SH3YL1: variants seen among roughly 807,000 people sequenced by gnomAD.
The protein encoded by SH3YL1 is SH3 domain-containing YSC84-like protein 1.
SH3YL1 carries 41 observed loss-of-function variants against 45.8 expected under a neutral mutation model. The ratio of observed to expected loss-of-function variants is 0.89; its 90% CI spans 0.70 to 1.16. The LOEUF is 1.16. Among genes scored for constraint, SH3YL1 ranks in the 50% most tolerant of loss-of-function variants. The pLI is 0.00. For missense variants in SH3YL1, 389 were observed against 409.6 expected (o/e 0.95, Z 0.43); for synonymous variants, 152 against 151.4 (o/e 1.00, Z -0.03).
chr2:237,239 C>T (rs1213178936), intron 4 of SH3YL1, among the ~76,000 whole-genome samples: 1 of 151,652 alleles, frequency 6.6e-6, no homozygotes, highest in Non-Finnish European at 1.5e-5. Flanking sequence ...TTAAGTAAGG[C>T]CAAGCTATGA....
At chr2:250,505 G>T (rs893499843) in intron 2 of SH3YL1, among the ~76,000 whole-genome samples, 1 of 152,170 alleles carries the variant, frequency 6.6e-6, no homozygotes, top group African/African-American at 2.4e-5. Context: ...TACATAAAAT[G>T]AGGGTTATTG....
At chr2:219,106 T>G (rs1282942416) in intron 9 of SH3YL1, 105 bp from the exon 10 acceptor site, 1 of 823,618 alleles carries the variant, frequency 1.2e-6, no homozygotes, top group African/African-American at 1.7e-5. Context: ...CATGCTGATG[T>G]CTTGGAGGCT....
chr2:263,714 T>G, intron 1 of SH3YL1: 1 of 432,858 alleles, frequency 2.3e-6, no homozygotes, highest in Non-Finnish European at 4.1e-6. Flanking sequence ...ATCAGGAAGT[T>G]AAAAATAACA....
chr2:231,296 C>T (rs544171398), intron 6 of SH3YL1, 105 bp from the exon 7 acceptor site: 1 of 793,424 alleles, frequency 1.3e-6, no homozygotes, highest in Admixed American at 2.7e-5. Context: ...ATCATTCATA[C>T]ATAGCACTTC....
Position 218,179 on chromosome 2 carries a change from A to G in SH3YL1, c.*632T>C, listed in dbSNP as rs990700419. On this transcript the variant is annotated 3_prime_UTR_variant, in exon 10 of 10. Coordinates refer to ENST00000356150, the MANE Select transcript of SH3YL1 (RefSeq NM_015677.4). ...AAACATTTAAAAATTTTATTTAGAG[A>G]CAAGTCTACCATGTCACCGTAAGTT... 1 of 152,186 alleles carries G rather than the reference A, an allele frequency of 6.6e-6. No individual in the cohort carries two copies. Among genetic ancestry groups the G allele is most frequent in the Non-Finnish European group, 1.5e-5 (1 of 68,034 alleles). The allele number at this position is 152,186 out of a possible 1,614,324, so 9.4% of individuals were successfully genotyped here. A position where few individuals can be genotyped will look rare whatever the true frequency, so the allele number is the denominator to read the frequency against.
intron 7 of SH3YL1, chr2:230,467 C>T (rs1232370094): frequency 1.2e-5 from 2 of 169,298 alleles, no homozygotes; most frequent in Non-Finnish European, 2.6e-5. Context: ...ACAAATCCCT[C>T]GGTGCCCCAA....
At chr2:237,495 A>C (rs2103032912) in intron 4 of SH3YL1, among the ~76,000 whole-genome samples, 1 of 152,186 alleles carries the variant, frequency 6.6e-6, no homozygotes, top group Admixed American at 6.5e-5. Context: ...GAGCTGAACA[A>C]CACATTGGGA....
chr2:237,153 A>C (rs1668340615), intron 4 of SH3YL1, among the ~76,000 whole-genome samples: 1 of 151,416 alleles, frequency 6.6e-6, no homozygotes, highest in African/African-American at 2.4e-5. Flanking sequence ...CACTCGGAAA[A>C]TACAAAGTAC....
rs1259932622 is a variant in SH3YL1, at chr2:229,952, A to G, written c.781+14T>C. 6.2e-7 allele frequency: 1 copy of G among 1,603,714 alleles called. No homozygotes were observed. Among genetic ancestry groups the G allele is most frequent in the East Asian group, 2.2e-5 (1 of 44,814 alleles). ...TAATTACAACTGTATTTGAATTGCA[A>G]CAAAAATATTTACTTTGAGAGCCAG... On this transcript the variant is annotated intron_variant, in intron 8 of 9. Transcript: ENST00000356150.
chr2:238,413 G>C (rs895362954), intron 4 of SH3YL1, among the ~76,000 whole-genome samples: 2 of 151,932 alleles, frequency 1.3e-5, no homozygotes, highest in African/African-American at 4.8e-5. Flanking sequence ...CCCATTCTTA[G>C]GGGGCTTAGA....
At chr2:235,406 C>T (rs36137988) in intron 4 of SH3YL1, among the ~76,000 whole-genome samples, 2,278 of 38,186 alleles carry the variant, frequency 0.06, 19 homozygotes, top group East Asian at 0.15. Context: ...GCAGCATGGG[C>T]CAGGGGAGGC....
At chr2:263,831 G>A in intron 1 of SH3YL1, 153 bp downstream of exon 1, 8 of 613,928 alleles carry the variant, frequency 1.3e-5, no homozygotes, top group Middle Eastern at 2.5e-4. Context: ...CCTGGAAGCT[G>A]CTCTATCTTA....
In SH3YL1 at chr2:218,892, T is replaced by C; in HGVS notation, c.948A>G (p.Thr316=). The C allele has an allele frequency of 6.2e-7, 1 of 1,614,114 alleles. No individual in the cohort carries two copies. The highest frequency in any genetic ancestry group is 1.1e-5 in the South Asian group (1 of 91,062). The change falls in exon 10 of 10, where the codon ACA becomes ACG. Residue 316 remains threonine (T), a synonymous_variant. Coordinates refer to ENST00000356150, the MANE Select transcript of SH3YL1 (RefSeq NM_015677.4). ...AGDRITVISK[T]DSHFDWWEGK... Reference sequence around the variant, plus strand: ...CTTCCCACCAATCAAAATGTGAATCTGTTTTTGATATAACTGTGATTCTGT... The same window carrying C: ...CTTCCCACCAATCAAAATGTGAATCCGTTTTTGATATAACTGTGATTCTGT...
intron 8 of SH3YL1, among the ~76,000 whole-genome samples, chr2:227,684 G>A (rs13003909): frequency 0.3 from 45,787 of 152,016 alleles, 7,562 homozygotes; most frequent in East Asian, 0.59. Context: ...GCCATGTGTA[G>A]GACTACACAA....
intron 4 of SH3YL1, among the ~76,000 whole-genome samples, chr2:246,128 G>A (rs1191940425): frequency 2.0e-5 from 3 of 151,696 alleles, no homozygotes; most frequent in South Asian, 2.1e-4. Context: ...CTGGGAGGTG[G>A]AGGTTGCAGT....
chr2:228,893 C>G (rs568687273), intron 8 of SH3YL1, among the ~76,000 whole-genome samples: 7 of 152,172 alleles, frequency 4.6e-5, no homozygotes, highest in African/African-American at 1.7e-4. Context: ...GCCGAGGATG[C>G]GCTTCCCGCC....
At chr2:243,851 C>T (rs1668654080) in intron 4 of SH3YL1, among the ~76,000 whole-genome samples, 1 of 152,164 alleles carries the variant, frequency 6.6e-6, no homozygotes, top group Non-Finnish European at 1.5e-5. Context: ...GTGTGTTTTG[C>T]CTACCTTGTA....
chr2:233,906 A>G (rs985533096), intron 5 of SH3YL1, among the ~76,000 whole-genome samples: 2 of 152,176 alleles, frequency 1.3e-5, no homozygotes, highest in African/African-American at 4.8e-5. Flanking sequence ...TTTATGTTCA[A>G]GTCTGACAGA....
chr2:224,985 A>C (rs1251072512), intron 8 of SH3YL1, 65 bp from the exon 9 acceptor site: 5 of 1,257,774 alleles, frequency 4.0e-6, no homozygotes, highest in Non-Finnish European at 5.8e-6. Context: ...AAAATACACA[A>C]AATTGCCAGA....
Sources: allele counts gnomAD v4.1 joint callset (sites outside exome capture counted in the v4.1 genomes callset), GRCh38; gene constraint gnomAD v4.1.1; transcripts MANE v1.5; gene names NCBI Gene and HGNC (gene_info 2026-07-23, HGNC 2026-07-21).